The following ADD3 variants were observed in gnomAD, a reference collection of about 807,000 sequenced individuals.
The protein encoded by ADD3 is adducin 3.
ADD3 carries 25 observed loss-of-function variants against 80.2 expected under a neutral mutation model. The observed-to-expected ratio is 0.31, with a 90% confidence interval of 0.23 to 0.44. The LOEUF is 0.44. ADD3 is among the 20% of genes least tolerant of loss of function. ADD3 has a pLI of 1.00. For missense variants in ADD3, 829 were observed against 847.5 expected, an observed-to-expected ratio of 0.98 and a Z score of 0.27; for synonymous variants, 284 against 289.6, an observed-to-expected ratio of 0.98 and a Z score of 0.20.
intron 2 of ADD3, among the ~76,000 whole-genome samples, chr10:110,110,656 G>T (rs921380133): frequency 2.0e-5 from 3 of 151,664 alleles, no homozygotes; most frequent in Non-Finnish European, 4.4e-5. Context: ...CATACCCTTA[G>T]AACCATATTT....
intron 1 of ADD3, among the ~76,000 whole-genome samples, chr10:110,037,168 G>A (rs937963084): frequency 2.0e-5 from 3 of 152,180 alleles, no homozygotes; most frequent in African/African-American, 7.2e-5. Flanking sequence ...ACATTTCCTG[G>A]ACTTGCCTAA....
intron 1 of ADD3, among the ~76,000 whole-genome samples, chr10:110,092,979 C>T (rs1224972339): frequency 6.6e-6 from 1 of 152,102 alleles, no homozygotes. Context: ...CTTGCCCCAG[C>T]CTCTGAGTAG....
chr10:110,034,782 T>A lies in ADD3; in HGVS notation c.-30+26483T>A, dbSNP rs529767136. 7.2e-5 allele frequency among the ~76,000 whole-genome samples: 11 copies of A among 152,326 alleles called. No individual in the cohort carries two copies. In the East Asian group the frequency reaches 2.1e-3, roughly 29 times the overall value. The stretch of plus-strand genomic sequence containing the variant: ...AGAATGTTTTTTAAAAAATGTTATA[T>A]CTAAATGTGGATCTTGAATCATCCC... On this transcript the variant is annotated intron_variant, in intron 1 of 14. Transcript: ENST00000356080.
intron 1 of ADD3, among the ~76,000 whole-genome samples, chr10:110,088,983 T>A (rs1173761015): frequency 2.6e-5 from 4 of 152,192 alleles, no homozygotes; most frequent in African/African-American, 9.7e-5. Context: ...TTGGATTATT[T>A]GCATTTCTTC....
At chr10:110,040,925 T>G (rs1856240674) in intron 1 of ADD3, among the ~76,000 whole-genome samples, 1 of 134,732 alleles carries the variant, frequency 7.4e-6, no homozygotes, top group Admixed American at 8.1e-5. Context: ...GCTCTCTCTC[T>G]CTCGCTCTCT....
chr10:110,054,955 G>T (rs1857991370), intron 1 of ADD3, among the ~76,000 whole-genome samples: 1 of 151,980 alleles, frequency 6.6e-6, no homozygotes, highest in South Asian at 2.1e-4. Flanking sequence ...TAGAGACAGG[G>T]TTTCTCCATG....
chr10:110,118,454 A>C, intron 5 of ADD3, 133 bp from the exon 6 acceptor site: 1 of 667,250 alleles, frequency 1.5e-6, no homozygotes. Context: ...TAATTGCAGC[A>C]GAGGCCCACA....
intron 6 of ADD3, 73 bp downstream of exon 6, chr10:110,118,809 G>A: frequency 7.0e-7 from 1 of 1,428,316 alleles, no homozygotes; most frequent in Non-Finnish European, 9.7e-7. Flanking sequence ...TCAACAGGAT[G>A]CTTTACTATC....
chr10:110,049,213 A>G (rs1472127225), intron 1 of ADD3, among the ~76,000 whole-genome samples: 3 of 152,164 alleles, frequency 2.0e-5, no homozygotes, highest in Admixed American at 2.0e-4. Flanking sequence ...ATTTCCGAGG[A>G]TGTATGGAAA....
In ADD3 at chr10:110,112,775, A is replaced by C; in HGVS notation, c.196-2A>C. 1 of 1,612,074 alleles carries C rather than the reference A, an allele frequency of 6.2e-7. No homozygotes were observed. The highest frequency in any genetic ancestry group is 8.5e-7 in the Non-Finnish European group (1 of 1,179,252). On this transcript the variant is annotated splice_acceptor_variant, in intron 2 of 14. Coordinates refer to ENST00000356080, the MANE Select transcript of ADD3 (RefSeq NM_016824.5). LOFTEE classifies it high-confidence loss of function. ...CTCAGTCTTTATTTTTGTGTATTACAGGCCTTTCGGGAAGACTTGGAATGC... is the reference window on the plus strand; with the variant it reads ...CTCAGTCTTTATTTTTGTGTATTACCGGCCTTTCGGGAAGACTTGGAATGC...
In ADD3 at chr10:110,133,597, A is replaced by C. The variant is rs1237839289; in HGVS notation, c.2100A>C (p.Lys700Asn). 1.3e-6 allele frequency: 2 copies of C among 1,588,330 alleles called. No homozygotes were observed. Among genetic ancestry groups the C allele is most frequent in the Non-Finnish European group, 1.7e-6 (2 of 1,171,578 alleles). ...CTTCTTTTCTGAAAAAGAACAAAAA[A>C]AAGGAGAAAGTTGAGGCCTAAATAA... ...RTPSFLKKNK[K>N]KEKVEA is the part of the protein sequence containing the mutation. Residue 700 changes from lysine (K) to asparagine (N), a missense_variant, in exon 15 of 15, where the codon AAA becomes AAC. Transcript: ENST00000356080.
chr10:110,023,844 C>T (rs1325304965), intron 1 of ADD3, among the ~76,000 whole-genome samples: 1 of 152,144 alleles, frequency 6.6e-6, no homozygotes, highest in Non-Finnish European at 1.5e-5. Context: ...AAGGTGCTTC[C>T]CCTATGCTGT....
chr10:110,124,329 A>G, intron 10 of ADD3, 55 bp downstream of exon 10: 1 of 1,568,284 alleles, frequency 6.4e-7, no homozygotes, highest in Admixed American at 1.8e-5. Flanking sequence ...CTAGTTACTC[A>G]AGAATTGAAT....
At chr10:110,016,292 G>A (rs1005345729) in intron 1 of ADD3, 1 of 152,182 alleles carries the variant, frequency 6.6e-6, no homozygotes, top group Non-Finnish European at 1.5e-5. Flanking sequence ...TCATTTGGAG[G>A]ATTTGACAGG....
In ADD3 at chr10:110,071,438, T is replaced by A. The variant is rs150974455; in HGVS notation, c.-29-29187T>A. On this transcript the variant is annotated intron_variant, in intron 1 of 14. Transcript: ENST00000356080. ...AAAAATAAAAGTTATACCTCAAAGA[T>A]TTAGAAAGTAAAAACAAATTGCATG... 5.3e-5 allele frequency among the ~76,000 whole-genome samples: 8 copies of A among 152,310 alleles called. No homozygotes were observed. The East Asian group carries it at 1.5e-3, about 29-fold the overall frequency.
intron 1 of ADD3, among the ~76,000 whole-genome samples, chr10:110,029,886 TATTG>T (rs1854784937): frequency 6.6e-6 from 1 of 152,208 alleles, no homozygotes; most frequent in African/African-American, 2.4e-5. Context: ...TTAAAGTTAT[TATTG>T]GCCTTTAAAA....
At chr10:110,109,334 C>T (rs1849729341) in intron 2 of ADD3, among the ~76,000 whole-genome samples, 1 of 152,158 alleles carries the variant, frequency 6.6e-6, no homozygotes, top group Admixed American at 6.5e-5. Flanking sequence ...CTAGCAAATG[C>T]ATACAATTTT....
At position 110,040,933 on chromosome 10, in the gene ADD3, T is replaced by G. The variant is rs569924123; in HGVS notation, c.-30+32634T>G. On this transcript the variant is annotated intron_variant, in intron 1 of 14. Transcript: ENST00000356080. ...CGCACGCGCTCTCTCTCTCTCGCTC[T>G]CTCTCTCTCTCGCTCTCTCTGTCTC... is the stretch of plus-strand genomic sequence containing the variant. Among the ~76,000 whole-genome samples, 626 of 126,058 alleles carry G rather than the reference T, an allele frequency of 5.0e-3. 4 individuals carry two copies. The highest frequency in any genetic ancestry group is 8.0e-3 in the Middle Eastern group (2 of 250). The allele number at this position is 126,058 out of a possible 152,430, so 82.7% of individuals were successfully genotyped here. A position where few individuals can be genotyped will look rare whatever the true frequency, so the allele number is the denominator to read the frequency against.
chr10:110,069,053 G>A (rs1391929725), intron 1 of ADD3, among the ~76,000 whole-genome samples: 1 of 151,958 alleles, frequency 6.6e-6, no homozygotes, highest in Non-Finnish European at 1.5e-5. Flanking sequence ...ACCCAGCCTG[G>A]GCAATAGAGT....
Sources: allele counts gnomAD v4.1 joint callset (sites outside exome capture counted in the v4.1 genomes callset), GRCh38; gene constraint gnomAD v4.1.1; transcripts MANE v1.5; gene names NCBI Gene and HGNC (gene_info 2026-07-23, HGNC 2026-07-21).